FBLN1: variants seen among roughly 807,000 people sequenced by gnomAD.
The protein encoded by FBLN1 is fibulin-1.
A neutral mutation model predicts 89.7 loss-of-function variants in FBLN1; 34 were observed. That is an observed-to-expected ratio of 0.38 (90% confidence interval 0.29 to 0.50). FBLN1 has a LOEUF of 0.50. Among genes scored for constraint, FBLN1 ranks in the 20% least tolerant of loss-of-function variants. The pLI is 0.92. For synonymous variants in FBLN1, 393 were observed against 391.3 expected, an observed-to-expected ratio of 1.00 and a Z score of -0.05; for missense variants, 777 against 988.1, an observed-to-expected ratio of 0.79 and a Z score of 2.86.
intron 14 of FBLN1, among the ~76,000 whole-genome samples, chr22:45,560,849 G>A (rs1469095099): frequency 6.6e-6 from 1 of 152,156 alleles, no homozygotes; most frequent in Non-Finnish European, 1.5e-5. Context: ...AAACAGGGGT[G>A]TTAGGGGTGG....
At position 45,581,944 on chromosome 22, in the gene FBLN1, G is replaced by A. The variant is rs1226305104; in HGVS notation, c.1972+4836G>A. On this transcript the variant is annotated intron_variant, in intron 16 of 16. Coordinates refer to ENST00000327858, the MANE Select transcript of FBLN1 (RefSeq NM_006486.3). This position sits in a 1 kb window ranked among gnomAD's most constrained non-coding sequence, Gnocchi z 7.6. The stretch of plus-strand genomic sequence containing the variant: ...GCTGCAGGGCCAGGCCTTGGTGGAT[G>A]CTGTCCTGGGGACCACGGGAGCCAC... 2.0e-5 allele frequency among the ~76,000 whole-genome samples: 3 copies of A among 152,184 alleles called. No individual in the cohort carries two copies. Among genetic ancestry groups the A allele is most frequent in the African/African-American group, 7.2e-5 (3 of 41,446 alleles).
At position 45,532,070 on chromosome 22, in the gene FBLN1, A is replaced by C. The variant is rs1282503730; in HGVS notation, c.544+746A>C. On this transcript the variant is annotated intron_variant, in intron 5 of 16. Transcript: ENST00000327858. This position sits in a 1 kb window ranked among gnomAD's most constrained non-coding sequence, Gnocchi z 4.2. ...AACATTCTGGCATGTCTAGACCTGC[A>C]GATCTGCCTCACAAGCTCTTTCAGT... Among the ~76,000 whole-genome samples the C allele has an allele frequency of 6.6e-6, 1 of 152,224 alleles. No homozygotes were observed. The highest frequency in any genetic ancestry group is 6.5e-5 in the Admixed American group (1 of 15,286).
Position 45,562,912 on chromosome 22 carries a change from C to A in FBLN1, c.1698-11599C>A. ...GTCTCTCTGCCCACTTTTCTTGCAGCCGCTGTGAGCGCTTGCCTTGCCATG... is the reference window on the plus strand; with the variant it reads ...GTCTCTCTGCCCACTTTTCTTGCAGACGCTGTGAGCGCTTGCCTTGCCATG... On this transcript the variant is annotated intron_variant, in intron 14 of 16. Coordinates refer to ENST00000327858, the MANE Select transcript of FBLN1 (RefSeq NM_006486.3). This position sits in a 1 kb window ranked among gnomAD's most constrained non-coding sequence, Gnocchi z 7.8. 3 of 1,613,640 alleles carry A rather than the reference C, an allele frequency of 1.9e-6. No individual in the cohort carries two copies. The highest frequency in any genetic ancestry group is 2.5e-6 in the Non-Finnish European group (3 of 1,179,968).
intron 14 of FBLN1, among the ~76,000 whole-genome samples, chr22:45,567,601 G>C (rs911688083): frequency 2.0e-5 from 3 of 152,168 alleles, no homozygotes; most frequent in Admixed American, 6.5e-5. Flanking sequence ...GGGCGATAGA[G>C]TGAGACTTTG....
rs532423332 is a variant in FBLN1 at position 45,563,444 on chromosome 22, C to T, written c.1698-11067C>T. 20 of 1,381,248 alleles carry T rather than the reference C, an allele frequency of 1.4e-5. No individual in the cohort carries two copies. The highest frequency in any genetic ancestry group is 7.2e-5 in the African/African-American group (5 of 69,640). 85.6% of individuals were successfully genotyped at this position (1,381,248 alleles called of 1,614,324 possible). ...CGGGGGTGAGCTGGGCACTGGCCAC[C>T]GCCTGGTACCCCCGAGGGCTGACTG... On this transcript the variant is annotated intron_variant, in intron 14 of 16. Transcript: ENST00000327858. This position sits in a 1 kb window ranked among gnomAD's most constrained non-coding sequence, Gnocchi z 5.7.
intron 2 of FBLN1, among the ~76,000 whole-genome samples, chr22:45,524,799 A>T (rs1442878710): frequency 2.0e-5 from 3 of 152,150 alleles, no homozygotes; most frequent in Non-Finnish European, 4.4e-5. Flanking sequence ...TTTTTAAAAA[A>T]AGAGGCCAGG....
In FBLN1 at chr22:45,574,779, T is replaced by TTC; in HGVS notation, c.1840+127_1840+128insCT. ...CAGGCTTTGAAATGCAGAACTTTCT[T>TTC]TTTTTTTTTTTTTTTTTTTTGAGAC... On this transcript the variant is annotated intron_variant, in intron 15 of 16. Coordinates refer to ENST00000327858, the MANE Select transcript of FBLN1 (RefSeq NM_006486.3). The surrounding 1 kb of genome is among the most constrained non-coding windows in gnomAD (Gnocchi z 4.1). The TTC allele has an allele frequency of 9.4e-6, 3 of 319,452 alleles. No individual in the cohort carries two copies. Among genetic ancestry groups the TTC allele is most frequent in the Admixed American group, 5.7e-5 (1 of 17,646 alleles). 19.8% of individuals were successfully genotyped at this position (319,452 alleles called of 1,614,324 possible). A position where few individuals can be genotyped will look rare whatever the true frequency, so the allele number is the denominator to read the frequency against.
intron 8 of FBLN1, among the ~76,000 whole-genome samples, chr22:45,535,961 T>C (rs955571315): frequency 2.0e-5 from 3 of 152,162 alleles, no homozygotes; most frequent in Non-Finnish European, 2.9e-5. Context: ...GGCAGGAGGA[T>C]TGCTTGAGCC....
chr22:45,525,201 GAGAA>G (rs3075463), intron 2 of FBLN1, among the ~76,000 whole-genome samples: 31,290 of 151,416 alleles, frequency 0.21, 3,779 homozygotes, highest in East Asian at 0.53. Context: ...GAGAGAAAGA[GAGAA>G]AGAAAGAAAG....
chr22:45,580,313 T>C lies in FBLN1; in HGVS notation c.1972+3205T>C, dbSNP rs558699171. Among the ~76,000 whole-genome samples the C allele has an allele frequency of 6.6e-6, 1 of 152,254 alleles. No homozygotes were observed. Among genetic ancestry groups the C allele is most frequent in the East Asian group, 2.0e-4 (1 of 5,120 alleles). Reference sequence around the variant, plus strand: ...TGGGCAGCCCCGTGCAGCTCTGTGCTGCCTGCAGCACACGGCAGGGAACGC... The same window carrying C: ...TGGGCAGCCCCGTGCAGCTCTGTGCCGCCTGCAGCACACGGCAGGGAACGC... On this transcript the variant is annotated intron_variant, in intron 16 of 16. Transcript: ENST00000327858. The surrounding 1 kb of genome is among the most constrained non-coding windows in gnomAD (Gnocchi z 8.6).
At chr22:45,598,145 G>T (rs1429751261) in intron 16 of FBLN1, among the ~76,000 whole-genome samples, 1 of 152,202 alleles carries the variant, frequency 6.6e-6, no homozygotes, top group Non-Finnish European at 1.5e-5. Context: ...CTCAACTTGT[G>T]GTTGTGAAGC....
intron 1 of FBLN1, among the ~76,000 whole-genome samples, chr22:45,514,657 C>T (rs2146945257): frequency 6.6e-6 from 1 of 152,316 alleles, no homozygotes. Flanking sequence ...GCAGCCTTTG[C>T]ATGTCAAGAG....
intron 14 of FBLN1, among the ~76,000 whole-genome samples, chr22:45,560,626 T>C (rs2088839794): frequency 6.6e-6 from 1 of 152,212 alleles, no homozygotes; most frequent in African/African-American, 2.4e-5. Flanking sequence ...TGGGCCTAAA[T>C]CTGTAAATTC....
chr22:45,560,065 TC>T (rs2088833687), intron 14 of FBLN1, among the ~76,000 whole-genome samples: 1 of 152,202 alleles, frequency 6.6e-6, no homozygotes. Flanking sequence ...CCTATCAATT[TC>T]ACTTCTAGGA....
chr22:45,584,195 C>T lies in FBLN1; in HGVS notation c.1972+7087C>T, dbSNP rs1339775855. On this transcript the variant is annotated intron_variant, in intron 16 of 16. Coordinates refer to ENST00000327858, the MANE Select transcript of FBLN1 (RefSeq NM_006486.3). Reference sequence around the variant, plus strand: ...GCCGAGGCAACATAGGATGAGAAGCCGGCACAACACCCAGGCTTTTCCATG... The same window carrying T: ...GCCGAGGCAACATAGGATGAGAAGCTGGCACAACACCCAGGCTTTTCCATG... 3.9e-5 allele frequency among the ~76,000 whole-genome samples: 6 copies of T among 152,122 alleles called. No homozygotes were observed. The South Asian group carries it at 8.3e-4, about 21-fold the overall frequency.
chr22:45,554,812 C>T (rs2088757737), intron 14 of FBLN1, among the ~76,000 whole-genome samples: 1 of 152,172 alleles, frequency 6.6e-6, no homozygotes, highest in African/African-American at 2.4e-5. Context: ...GTATGATGGG[C>T]CAGGAGTTCA....
intron 1 of FBLN1, among the ~76,000 whole-genome samples, chr22:45,512,232 AG>A (rs1438648472): frequency 1.3e-5 from 2 of 151,988 alleles, no homozygotes; most frequent in Non-Finnish European, 2.9e-5. Flanking sequence ...CCTGACTCAC[AG>A]TGTTCCAGGG....
At position 45,533,850 on chromosome 22, in the gene FBLN1, A is replaced by G. The variant is rs756260694; in HGVS notation, c.736A>G (p.Ser246Gly). ...GGGCTCTTTCCGCTGCCAGCGGGAC[A>G]GCAGCTGCGGGACTGGCTATGAGCT... ...TVGSFRCQRD[S>G]SCGTGYELTE... The change falls in exon 7 of 17, where the codon AGC becomes GGC. Residue 246 changes from serine (S) to glycine (G), a missense_variant. Transcript: ENST00000327858. The G allele has an allele frequency of 6.2e-7, 1 of 1,614,108 alleles. No individual in the cohort carries two copies. The highest frequency in any genetic ancestry group is 1.1e-5 in the South Asian group (1 of 91,080).
At chr22:45,511,012 G>A (rs138855756) in intron 1 of FBLN1, among the ~76,000 whole-genome samples, 1 of 152,328 alleles carries the variant, frequency 6.6e-6, no homozygotes, top group Non-Finnish European at 1.5e-5. Flanking sequence ...GCCTGGAGGA[G>A]TGTGTGGTTC....
Sources: gnomAD v4.1 joint callset for allele counts (sites outside exome capture counted in the v4.1 genomes callset) on GRCh38, gnomAD v4.1.1 for gene constraint, Gnocchi (gnomAD v3.1) non-coding constraint, MANE v1.5 for transcripts, NCBI Gene and HGNC (gene_info 2026-07-23, HGNC 2026-07-21) for gene names.